TPRG1: variants seen among roughly 807,000 people sequenced by gnomAD.
The protein encoded by TPRG1 is tumor protein p63 regulated 1, also known as tumor protein p63-regulated gene 1 protein.
In TPRG1, 29 loss-of-function variants were observed where a neutral mutation model predicts 29.3. The observed-to-expected ratio is 0.99, with a 90% CI of 0.74 to 1.35. The LOEUF is 1.35. Among genes scored for constraint, TPRG1 ranks in the 40% most tolerant of loss-of-function variants. TPRG1 has a pLI of 0.00. For synonymous variants in TPRG1, 130 were observed against 116.8 expected (o/e 1.11, Z -0.73); for missense variants, 327 against 335.0 (o/e 0.98, Z 0.19).
intron 1 of TPRG1, among the ~76,000 whole-genome samples, chr3:189,107,893 TGTA>T (rs1238660039): frequency 6.6e-6 from 1 of 152,114 alleles, no homozygotes; most frequent in Non-Finnish European, 1.5e-5. Context: ...TTTCTTATAA[TGTA>T]GTATTTTTTC....
intron 5 of TPRG1, among the ~76,000 whole-genome samples, chr3:189,165,167 A>G (rs531898390): frequency 2.8e-4 from 42 of 152,240 alleles, no homozygotes; most frequent in South Asian, 2.1e-4. Flanking sequence ...AGGAACGTTT[A>G]TATCATACAG....
intron 4 of TPRG1, among the ~76,000 whole-genome samples, chr3:189,094,053 C>T (rs1262553345): frequency 6.6e-6 from 1 of 152,136 alleles, no homozygotes; most frequent in African/African-American, 2.4e-5. Context: ...GATACAGCCT[C>T]CAAACACACG....
intron 5 of TPRG1, among the ~76,000 whole-genome samples, chr3:189,313,752 C>G (rs1397378762): frequency 6.6e-6 from 1 of 152,000 alleles, no homozygotes; most frequent in Admixed American, 6.6e-5. Context: ...AAGGTTCTTG[C>G]CTTTGTGGAA....
intron 4 of TPRG1, among the ~76,000 whole-genome samples, chr3:189,056,011 C>T (rs1715644346): frequency 7.0e-6 from 1 of 143,494 alleles, no homozygotes; most frequent in South Asian, 2.4e-4. Flanking sequence ...TCTCTCTCTC[C>T]CTCCCTCCCT....
intron 4 of TPRG1, among the ~76,000 whole-genome samples, chr3:189,257,674 T>C (rs1712152388): frequency 1.3e-5 from 2 of 152,230 alleles, no homozygotes; most frequent in Admixed American, 1.3e-4. Flanking sequence ...TTTCACATAG[T>C]CCCATATTTC....
At chr3:189,043,298 G>A (rs1714749040) in intron 4 of TPRG1, among the ~76,000 whole-genome samples, 6 of 152,140 alleles carry the variant, frequency 3.9e-5, no homozygotes, top group Admixed American at 3.9e-4. Context: ...AAAGAGTACG[G>A]TTTAAAGGGT....
chr3:189,166,157 C>T lies in TPRG1; in HGVS notation c.-10+15285C>T, dbSNP rs114826566. ...CCACCATTTCCCTTTAAACTTCAGA[C>T]ATTCCAAGAGAACAGAGCATTCAGT... On this transcript the variant is annotated intron_variant, in intron 5 of 6. Coordinates refer to the TPRG1 transcript ENST00000412373. Among the ~76,000 whole-genome samples the T allele has an allele frequency of 6.3e-3, 955 of 152,348 alleles. 15 individuals carry two copies. The highest frequency in any genetic ancestry group is 0.022 in the African/African-American group (907 of 41,572).
chr3:189,103,321 G>A, intron 1 of TPRG1, among the ~76,000 whole-genome samples: 1 of 152,146 alleles, frequency 6.6e-6, no homozygotes, highest in East Asian at 1.9e-4. Context: ...TTGACCTTTT[G>A]CAGAAAATGT....
chr3:189,093,009 T>TCA (rs1718437701), intron 4 of TPRG1, among the ~76,000 whole-genome samples: 1 of 150,694 alleles, frequency 6.6e-6, no homozygotes, highest in East Asian at 1.9e-4. Context: ...TCCTTCTTCT[T>TCA]CTGTGATTAA....
chr3:189,227,958 C>T (rs764728570), intron 3 of TPRG1, among the ~76,000 whole-genome samples: 9 of 152,092 alleles, frequency 5.9e-5, no homozygotes, highest in South Asian at 2.1e-4. Context: ...CCCTTCTCTA[C>T]TAAAATACAA....
chr3:189,093,527 G>A (rs1718477993), intron 4 of TPRG1, among the ~76,000 whole-genome samples: 1 of 152,116 alleles, frequency 6.6e-6, no homozygotes, highest in Admixed American at 6.6e-5. Context: ...CTTATTTTGT[G>A]GGCTCGCGGG....
intron 2 of TPRG1, among the ~76,000 whole-genome samples, chr3:189,214,140 A>C (rs1329032018): frequency 1.3e-5 from 2 of 152,196 alleles, no homozygotes; most frequent in Admixed American, 1.3e-4. Context: ...AAGGTTTTAA[A>C]AATTCTACAT....
At chr3:189,272,482 C>G (rs1405694998) in intron 4 of TPRG1, among the ~76,000 whole-genome samples, 1 of 152,000 alleles carries the variant, frequency 6.6e-6, no homozygotes, top group East Asian at 1.9e-4. Context: ...TACATCGAGA[C>G]TGTTGCTTAT....
intron 3 of TPRG1, among the ~76,000 whole-genome samples, chr3:189,146,138 T>A (rs1020673751): frequency 6.6e-6 from 1 of 152,222 alleles, no homozygotes; most frequent in African/African-American, 2.4e-5. Context: ...AGACCCTTCA[T>A]CACATCAGCT....
At chr3:189,318,283 C>G (rs1241804616) in intron 5 of TPRG1, among the ~76,000 whole-genome samples, 1 of 152,118 alleles carries the variant, frequency 6.6e-6, no homozygotes, top group Non-Finnish European at 1.5e-5. Flanking sequence ...TTTGGTTTAG[C>G]TGTACAGACA....
chr3:189,195,172 C>T (rs1249499456), intron 1 of TPRG1, among the ~76,000 whole-genome samples: 1 of 151,986 alleles, frequency 6.6e-6, no homozygotes, highest in Non-Finnish European at 1.5e-5. Context: ...GCACTGTTTT[C>T]CTGGGATGCA....
Position 189,253,026 on chromosome 3 carries a change from A to T in TPRG1, c.479+14117A>T, listed in dbSNP as rs1742529619. Among the ~76,000 whole-genome samples, 3 of 152,096 alleles carry T rather than the reference A, an allele frequency of 2.0e-5. No homozygotes were observed. In the South Asian group the frequency reaches 6.2e-4, roughly 32 times the overall value. The stretch of plus-strand genomic sequence containing the variant: ...ATCCCAGTTTTTGATATTATTTATC[A>T]TCTCAACCTATATTTTCTTTTCCTT... On this transcript the variant is annotated intron_variant, in intron 4 of 5. Transcript: ENST00000345063.
intron 1 of TPRG1, among the ~76,000 whole-genome samples, chr3:189,120,586 T>C (rs1431397197): frequency 6.6e-6 from 1 of 152,200 alleles, no homozygotes; most frequent in African/African-American, 2.4e-5. Context: ...GAGAAAGATA[T>C]GTGATACAGT....
chr3:189,251,028 C>A (rs1742163810), intron 4 of TPRG1, among the ~76,000 whole-genome samples: 1 of 151,812 alleles, frequency 6.6e-6, no homozygotes, highest in Non-Finnish European at 1.5e-5. Context: ...AATCTTTTAT[C>A]CTCCTCCCTC....
Sources: allele counts gnomAD v4.1 joint callset (sites outside exome capture counted in the v4.1 genomes callset), GRCh38; gene constraint gnomAD v4.1.1; transcripts MANE v1.5; gene names NCBI Gene and HGNC (gene_info 2026-07-23, HGNC 2026-07-21).